SND1: variants seen among roughly 807,000 people sequenced by gnomAD.
SND1 encodes staphylococcal nuclease domain-containing protein 1.
A neutral mutation model predicts 121.7 loss-of-function variants in SND1; 38 were observed. That is an observed-to-expected ratio of 0.31 (90% CI 0.24 to 0.41). SND1 has a LOEUF of 0.41. SND1 is among the 10% of genes least tolerant of loss of function. SND1 has a pLI of 1.00. For missense variants in SND1, 868 were observed against 1,184.6 expected, an observed-to-expected ratio of 0.73 and a Z score of 3.92; for synonymous variants, 401 against 447.4, an observed-to-expected ratio of 0.90 and a Z score of 1.31.
At chr7:128,018,013 C>G (rs777151625) in intron 16 of SND1, among the ~76,000 whole-genome samples, 10 of 152,222 alleles carry the variant, frequency 6.6e-5, no homozygotes, top group Non-Finnish European at 1.2e-4. Context: ...AAGTAGCACT[C>G]TAGAGTATCA....
At chr7:127,782,195 A>G (rs1563011464) in intron 10 of SND1, among the ~76,000 whole-genome samples, 1 of 152,202 alleles carries the variant, frequency 6.6e-6, no homozygotes, top group East Asian at 1.9e-4. Context: ...AGGGGAGATT[A>G]ATCTAAACAC....
chr7:127,661,851 C>T (rs748920673), intron 1 of SND1, among the ~76,000 whole-genome samples: 3 of 152,124 alleles, frequency 2.0e-5, no homozygotes, highest in Admixed American at 6.5e-5. Context: ...CATGGTGGCC[C>T]ACGCCTGTAA....
chr7:127,949,495 T>G (rs1252377164), intron 15 of SND1, among the ~76,000 whole-genome samples: 1 of 152,194 alleles, frequency 6.6e-6, no homozygotes, highest in Non-Finnish European at 1.5e-5. Flanking sequence ...CAAAACTGAA[T>G]CACTCTCCCA....
intron 10 of SND1, among the ~76,000 whole-genome samples, chr7:127,796,282 A>G (rs1404079421): frequency 6.6e-6 from 1 of 152,158 alleles, no homozygotes; most frequent in African/African-American, 2.4e-5. Context: ...ATAAAGTTGC[A>G]GTGATACAAC....
chr7:127,686,615 C>T lies in SND1; in HGVS notation c.81C>T (p.Val27=). The change falls in exon 2 of 24, where the codon GTC becomes GTT. Residue 27 remains valine, a splice_region_variant and synonymous_variant. Coordinates refer to ENST00000354725, the MANE Select transcript of SND1 (RefSeq NM_014390.4). ...TTCTCTTTCTTCCCCCTACGTAGGTCCTCTCAGGGTGCGCCATCATTGTCC... is the reference window on the plus strand; with the variant it reads ...TTCTCTTTCTTCCCCCTACGTAGGTTCTCTCAGGGTGCGCCATCATTGTCC... ...PTVQRGIIKM[V]LSGCAIIVRG... 6.2e-7 allele frequency: 1 copy of T among 1,613,614 alleles called. No homozygotes were observed. The highest frequency in any genetic ancestry group is 8.5e-7 in the Non-Finnish European group (1 of 1,179,666).
intron 10 of SND1, among the ~76,000 whole-genome samples, chr7:127,723,435 T>C (rs1431263600): frequency 6.6e-6 from 1 of 152,214 alleles, no homozygotes; most frequent in Non-Finnish European, 1.5e-5. Context: ...TCTTACTCCA[T>C]TTTAAGACAG....
intron 16 of SND1, among the ~76,000 whole-genome samples, chr7:128,004,497 T>C (rs894762910): frequency 2.6e-5 from 4 of 152,218 alleles, no homozygotes; most frequent in Non-Finnish European, 5.9e-5. Flanking sequence ...ATGTTCCCCA[T>C]TGGACTAAAC....
chr7:127,856,551 A>T (rs1026662525), intron 12 of SND1, among the ~76,000 whole-genome samples: 1 of 152,204 alleles, frequency 6.6e-6, no homozygotes, highest in African/African-American at 2.4e-5. Context: ...TATGTATGGT[A>T]GGATTGGGAG....
chr7:127,884,645 G>T (rs1799858942), intron 12 of SND1, among the ~76,000 whole-genome samples: 1 of 152,066 alleles, frequency 6.6e-6, no homozygotes, highest in South Asian at 2.1e-4. Context: ...CTGCACAGGG[G>T]TTTGACCTGC....
chr7:127,858,043 C>T (rs1799314272), intron 12 of SND1: 1 of 1,380,420 alleles, frequency 7.2e-7, no homozygotes. Context: ...ATCCACCAGA[C>T]CATCTCCTGG....
chr7:127,789,828 A>T (rs981539341), intron 10 of SND1, among the ~76,000 whole-genome samples: 2 of 152,228 alleles, frequency 1.3e-5, no homozygotes, highest in Middle Eastern at 3.2e-3. Context: ...AAATTAGCTG[A>T]ATAGAACTAA....
At chr7:127,810,203 C>A (rs1437439408) in intron 11 of SND1, among the ~76,000 whole-genome samples, 1 of 152,126 alleles carries the variant, frequency 6.6e-6, no homozygotes, top group Non-Finnish European at 1.5e-5. Context: ...GTTCTGCTGA[C>A]TTTATTGCCT....
chr7:128,001,270 A>C (rs1802819757), intron 16 of SND1, among the ~76,000 whole-genome samples: 1 of 152,254 alleles, frequency 6.6e-6, no homozygotes, highest in South Asian at 2.1e-4. Flanking sequence ...GGAATAGCTC[A>C]TTCTTAGTCT....
At chr7:128,088,502 G>C (rs747134960) in intron 21 of SND1, among the ~76,000 whole-genome samples, 9 of 133,348 alleles carry the variant, frequency 6.7e-5, no homozygotes, top group Middle Eastern at 4.7e-3. Context: ...ACCCAGGCTA[G>C]AGTGCAGTGG....
intron 9 of SND1, among the ~76,000 whole-genome samples, chr7:127,717,129 T>TTA (rs1254183401): frequency 6.6e-6 from 1 of 152,228 alleles, no homozygotes; most frequent in Non-Finnish European, 1.5e-5. Context: ...ACAGAGTTCT[T>TTA]ATATTACTCA....
chr7:127,723,932 A>G (rs1017249338), intron 10 of SND1, among the ~76,000 whole-genome samples: 1 of 152,230 alleles, frequency 6.6e-6, no homozygotes, highest in African/African-American at 2.4e-5. Flanking sequence ...TTAAAACTGA[A>G]TATTTGAAAT....
chr7:127,759,859 C>T (rs1797269950), intron 10 of SND1, among the ~76,000 whole-genome samples: 1 of 152,184 alleles, frequency 6.6e-6, no homozygotes. Context: ...GCTTCTGTTA[C>T]CTTTAATGTA....
chr7:127,956,270 C>T (rs920753009), intron 15 of SND1, among the ~76,000 whole-genome samples: 10 of 152,192 alleles, frequency 6.6e-5, no homozygotes, highest in African/African-American at 2.2e-4. Context: ...CCTCCTTGCT[C>T]TATGACCATA....
intron 16 of SND1, chr7:128,030,755 G>T: frequency 7.5e-7 from 1 of 1,326,266 alleles, no homozygotes; most frequent in Non-Finnish European, 1.0e-6. Flanking sequence ...AGAAGGAGGT[G>T]GGGAGGGGGC....
Sources: gnomAD v4.1 joint callset for allele counts (sites outside exome capture counted in the v4.1 genomes callset) on GRCh38, gnomAD v4.1.1 for gene constraint, MANE v1.5 for transcripts, NCBI Gene and HGNC (gene_info 2026-07-23, HGNC 2026-07-21) for gene names.